CNTNAP2: variants seen among roughly 807,000 people sequenced by gnomAD.
CNTNAP2 encodes the protein contactin associated protein 2.
CNTNAP2 carries 98 observed loss-of-function variants against 155.2 expected under a neutral mutation model. That is an observed-to-expected ratio of 0.63 (90% confidence interval 0.54 to 0.75). The LOEUF (loss-of-function observed/expected upper bound fraction) is 0.75. Among genes scored for constraint, CNTNAP2 ranks in the 30% least tolerant of loss-of-function variants. CNTNAP2 has a pLI of 0.00. For missense variants in CNTNAP2, 1,727 were observed against 1,688.1 expected, an observed-to-expected ratio of 1.02 and a Z score of -0.40; for synonymous variants, 651 against 631.2, an observed-to-expected ratio of 1.03 and a Z score of -0.47.
intron 15 of CNTNAP2, among the ~76,000 whole-genome samples, chr7:147,978,808 T>A (rs1005967646): frequency 2.0e-5 from 3 of 152,048 alleles, no homozygotes; most frequent in Admixed American, 6.6e-5. Flanking sequence ...GTGCTAGGCA[T>A]CCGGAGACCT....
intron 15 of CNTNAP2, among the ~76,000 whole-genome samples, chr7:148,102,439 G>A (rs1178645870): frequency 6.6e-6 from 1 of 152,294 alleles, no homozygotes; most frequent in Non-Finnish European, 1.5e-5. Context: ...GCACATTTGT[G>A]TGCAGGTGTC....
At chr7:147,350,067 A>T (rs1008010833) in intron 9 of CNTNAP2, among the ~76,000 whole-genome samples, 8 of 151,980 alleles carry the variant, frequency 5.3e-5, no homozygotes, top group African/African-American at 1.9e-4. Flanking sequence ...AATATGAATG[A>T]TATTCACTTG....
At chr7:147,997,723 T>C (rs938627946) in intron 15 of CNTNAP2, among the ~76,000 whole-genome samples, 1 of 151,806 alleles carries the variant, frequency 6.6e-6, no homozygotes, top group African/African-American at 2.4e-5. Flanking sequence ...ACAGAAAAGA[T>C]TGGCGGGAGG....
At chr7:146,658,347 G>A (rs1408271464) in intron 1 of CNTNAP2, among the ~76,000 whole-genome samples, 3 of 149,194 alleles carry the variant, frequency 2.0e-5, no homozygotes, top group African/African-American at 7.4e-5. Flanking sequence ...TTTGAACGGA[G>A]TTTTAATATG....
intron 1 of CNTNAP2, among the ~76,000 whole-genome samples, chr7:146,224,174 T>C (rs1290849057): frequency 1.3e-5 from 2 of 152,144 alleles, no homozygotes; most frequent in African/African-American, 4.8e-5. Context: ...ATTATTTTGA[T>C]TATGGCAATG....
chr7:146,167,188 C>T (rs977807550), intron 1 of CNTNAP2, among the ~76,000 whole-genome samples: 7 of 152,168 alleles, frequency 4.6e-5, no homozygotes, highest in Non-Finnish European at 1.0e-4. Context: ...ACCACAAATC[C>T]ATAAATCATA....
intron 11 of CNTNAP2, among the ~76,000 whole-genome samples, chr7:147,509,135 A>G (rs1798969339): frequency 6.6e-6 from 1 of 152,014 alleles, no homozygotes. Context: ...TCCCTCTTTT[A>G]CTTAATTATC....
intron 8 of CNTNAP2, among the ~76,000 whole-genome samples, chr7:147,199,051 T>A (rs1398418182): frequency 6.9e-6 from 1 of 143,998 alleles, no homozygotes; most frequent in Non-Finnish European, 1.5e-5. Flanking sequence ...AACCTTCGCC[T>A]CCTGGGTTCA....
chr7:147,933,442 T>G (rs1585036122), intron 14 of CNTNAP2, among the ~76,000 whole-genome samples: 1 of 151,922 alleles, frequency 6.6e-6, no homozygotes, highest in East Asian at 1.9e-4. Context: ...AAAAGATGAA[T>G]GGATACAGAA....
rs141340394 is a variant in CNTNAP2 at position 146,486,150 on chromosome 7, C to T, written c.98-288121C>T. Among the ~76,000 whole-genome samples the T allele has an allele frequency of 9.1e-3, 1,346 of 148,606 alleles. 18 individuals carry two copies. Among genetic ancestry groups the T allele is most frequent in the African/African-American group, 0.028 (1,129 of 40,132 alleles). On this transcript the variant is annotated intron_variant, in intron 1 of 23. Transcript: ENST00000361727. ...CACGATCTCAGCTCACTGCAAACTC[C>T]GCCTCCCAGGTTCACTCTATTCTCC...
At chr7:146,266,526 G>A (rs1799996515) in intron 1 of CNTNAP2, among the ~76,000 whole-genome samples, 1 of 152,024 alleles carries the variant, frequency 6.6e-6, no homozygotes, top group Admixed American at 6.6e-5. Flanking sequence ...TTTAACTTGT[G>A]GAGAGACTGA....
chr7:147,073,076 T>C (rs1183407914), intron 4 of CNTNAP2, among the ~76,000 whole-genome samples: 2 of 150,640 alleles, frequency 1.3e-5, no homozygotes, highest in Admixed American at 1.3e-4. Context: ...ATGGTCTCGA[T>C]CTCCTGACCT....
chr7:148,366,058 A>G (rs1286977568), intron 21 of CNTNAP2, among the ~76,000 whole-genome samples: 26 of 1,388 alleles, frequency 0.019, 13 homozygotes, highest in African/African-American at 0.025. Context: ...ATGTGTGTGT[A>G]TGCATGTATG....
chr7:146,503,907 G>A (rs376132028), intron 1 of CNTNAP2, among the ~76,000 whole-genome samples: 3 of 152,192 alleles, frequency 2.0e-5, no homozygotes, highest in Non-Finnish European at 4.4e-5. Flanking sequence ...AGGGACCATA[G>A]GCAGTTGGGA....
chr7:146,666,529 T>A lies in CNTNAP2; in HGVS notation c.98-107742T>A, dbSNP rs114006997. Among the ~76,000 whole-genome samples, 400 of 152,308 alleles carry A rather than the reference T, an allele frequency of 2.6e-3. 2 individuals carry two copies. Among genetic ancestry groups the A allele is most frequent in the African/African-American group, 9.2e-3 (381 of 41,582 alleles). ...GGTAAATGCCAAGTAGTGGGATTGC[T>A]GGATCATATTATAGTTCTATTTGTA... On this transcript the variant is annotated intron_variant, in intron 1 of 23. Transcript: ENST00000361727.
chr7:147,894,687 C>T (rs1799747671), intron 13 of CNTNAP2, among the ~76,000 whole-genome samples: 1 of 151,830 alleles, frequency 6.6e-6, no homozygotes, highest in African/African-American at 2.4e-5. Context: ...CCTATAGAAA[C>T]AGTGGGAATG....
intron 13 of CNTNAP2, among the ~76,000 whole-genome samples, chr7:147,786,084 G>C (rs1797734163): frequency 6.6e-6 from 1 of 151,988 alleles, no homozygotes; most frequent in South Asian, 2.1e-4. Flanking sequence ...GAGGTCAAGA[G>C]GTCGAGACCA....
At chr7:146,155,688 T>C (rs559254813) in intron 1 of CNTNAP2, among the ~76,000 whole-genome samples, 6 of 98,080 alleles carry the variant, frequency 6.1e-5, no homozygotes, top group African/African-American at 2.8e-4. Context: ...ACAATATCAT[T>C]ATTATTATTA....
At chr7:146,286,533 TGCCATCTTCATACTCAG>T (rs1800340360) in intron 1 of CNTNAP2, among the ~76,000 whole-genome samples, 1 of 152,154 alleles carries the variant, frequency 6.6e-6, no homozygotes, top group African/African-American at 2.4e-5. Flanking sequence ...TCTTAACACT[TGCCATCTTCATACTCAG>T]CCAGAATGTT....
Sources: allele counts gnomAD v4.1 joint callset (sites outside exome capture counted in the v4.1 genomes callset), GRCh38; gene constraint gnomAD v4.1.1; transcripts MANE v1.5; gene names NCBI Gene and HGNC (gene_info 2026-07-23, HGNC 2026-07-21).